Variants in SEC14L5 observed in about 807,000 individuals in gnomAD.
SEC14L5 encodes SEC14-like protein 5.
A neutral mutation model predicts 84.6 loss-of-function variants in SEC14L5; 96 were observed. The observed-to-expected ratio is 1.13, with a 90% CI of 0.96 to 1.34. SEC14L5 has a LOEUF of 1.34. Ranked by LOEUF, SEC14L5 falls within the 40% of genes most tolerant of loss-of-function variation. SEC14L5 has a pLI of 0.00. For synonymous variants in SEC14L5, 546 were observed against 383.4 expected, an observed-to-expected ratio of 1.42 and a Z score of -4.95; for missense variants, 1,224 against 942.5, an observed-to-expected ratio of 1.30 and a Z score of -3.91.
At chr16:4,999,139 C>G (rs112980050) in intron 8 of SEC14L5, among the ~76,000 whole-genome samples, 65 of 152,316 alleles carry the variant, frequency 4.3e-4, no homozygotes, top group African/African-American at 1.5e-3. Context: ...TAAAATGCCT[C>G]TTCGTGTAGT....
rs550577656 is a variant in SEC14L5, at chr16:4,999,330, C to T, written c.971-1325C>T. On this transcript the variant is annotated intron_variant, in intron 8 of 15. Transcript: ENST00000251170. ...TCCTTAAACAGAAACACAAGCCGGGCGCAGTGGCTCACACCTGTAATCAGA... is the reference window on the plus strand; with the variant it reads ...TCCTTAAACAGAAACACAAGCCGGGTGCAGTGGCTCACACCTGTAATCAGA... Among the ~76,000 whole-genome samples the T allele has an allele frequency of 1.3e-4, 20 of 152,272 alleles. No homozygotes were observed. The East Asian group carries it at 2.9e-3, about 22-fold the overall frequency.
intron 15 of SEC14L5, among the ~76,000 whole-genome samples, chr16:5,012,976 A>G (rs1955823429): frequency 6.6e-6 from 1 of 152,146 alleles, no homozygotes; most frequent in South Asian, 2.1e-4. Context: ...ACGGTTCTGC[A>G]TGACTGGGGA....
At position 4,996,967 on chromosome 16, in the gene SEC14L5, A is replaced by G; in HGVS notation, c.893A>G (p.Asp298Gly). 6.2e-7 allele frequency: 1 copy of G among 1,613,460 alleles called. No individual in the cohort carries two copies. ...SLSWRKQHQV[D>G]LLLQTWQPPA... ...AGCTGGCGCAAGCAGCACCAGGTGGATCTCCTCCTTCAGACCTGGCAACCC... is the reference window on the plus strand; with the variant it reads ...AGCTGGCGCAAGCAGCACCAGGTGGGTCTCCTCCTTCAGACCTGGCAACCC... Residue 298 changes from aspartate (D) to glycine (G), a missense_variant, in exon 8 of 16, where the codon GAT (aspartate) becomes GGT (glycine). Coordinates refer to ENST00000251170, the MANE Select transcript of SEC14L5 (RefSeq NM_014692.2).
chr16:4,996,160 C>G lies in SEC14L5; in HGVS notation c.668-188C>G, dbSNP rs76180956. 2.5e-4 allele frequency among the ~76,000 whole-genome samples: 38 copies of G among 152,244 alleles called. No individual in the cohort carries two copies. In the East Asian group the frequency reaches 7.1e-3, roughly 29 times the overall value. On this transcript the variant is annotated intron_variant, in intron 6 of 15. Coordinates refer to ENST00000251170, the MANE Select transcript of SEC14L5 (RefSeq NM_014692.2). Reference sequence around the variant, plus strand: ...CCTGATGATGCGTTTTCAGAACCCCCTTGGACATGGGCTGGAGAAATGAAT... The same window carrying G: ...CCTGATGATGCGTTTTCAGAACCCCGTTGGACATGGGCTGGAGAAATGAAT...
intron 2 of SEC14L5, among the ~76,000 whole-genome samples, chr16:4,974,055 G>A (rs968487771): frequency 6.6e-6 from 1 of 152,100 alleles, no homozygotes; most frequent in East Asian, 1.9e-4. Flanking sequence ...TGAGTCGGAT[G>A]AGTGGTTGTC....
chr16:4,978,506 CCTT>C (rs1484073485), intron 2 of SEC14L5, among the ~76,000 whole-genome samples: 1 of 147,408 alleles, frequency 6.8e-6, no homozygotes, highest in East Asian at 2.0e-4. Context: ...GCAGCCTTGA[CCTT>C]CTATGCTCAA....
chr16:5,004,925 C>G (rs527315618), intron 11 of SEC14L5, among the ~76,000 whole-genome samples: 2 of 152,330 alleles, frequency 1.3e-5, no homozygotes, highest in East Asian at 3.9e-4. Flanking sequence ...AAGCACTGAT[C>G]CTCCAACACG....
At chr16:4,998,781 T>A (rs541783909) in intron 8 of SEC14L5, among the ~76,000 whole-genome samples, 25 of 149,896 alleles carry the variant, frequency 1.7e-4, no homozygotes, top group Non-Finnish European at 3.3e-4. Flanking sequence ...CGTTCATCTA[T>A]ATCAAGTAGG....
chr16:4,962,576 T>C (rs1955137291), intron 2 of SEC14L5, among the ~76,000 whole-genome samples: 1 of 151,218 alleles, frequency 6.6e-6, no homozygotes, highest in Non-Finnish European at 1.5e-5. Flanking sequence ...TAATCCCAGC[T>C]ATTCGGGAGG....
At chr16:4,987,772 G>A in intron 3 of SEC14L5, 66 bp downstream of exon 3, 1 of 1,259,442 alleles carries the variant, frequency 7.9e-7, no homozygotes, top group Non-Finnish European at 1.1e-6. Context: ...AGGGCTGGGC[G>A]CGGGAGCTGG....
intron 4 of SEC14L5, among the ~76,000 whole-genome samples, chr16:4,989,498 C>A (rs755750016): frequency 6.6e-6 from 1 of 152,236 alleles, no homozygotes; most frequent in South Asian, 2.1e-4. Flanking sequence ...AGGCATGTGC[C>A]ACCACATCCG....
intron 14 of SEC14L5, 87 bp from the exon 15 acceptor site, chr16:5,011,008 T>G (rs1955793323): frequency 1.5e-6 from 2 of 1,314,912 alleles, no homozygotes; most frequent in South Asian, 2.8e-5. Context: ...TTTCCAGGCC[T>G]GGTGATGAGA....
Position 5,016,046 on chromosome 16 carries a change from A to G in SEC14L5, c.*1076A>G, listed in dbSNP as rs1248434591. 2.0e-5 allele frequency: 3 copies of G among 152,176 alleles called. No homozygotes were observed. The highest frequency in any genetic ancestry group is 4.4e-5 in the Non-Finnish European group (3 of 68,056). The allele number at this position is 152,176 out of a possible 1,614,324, so 9.4% of individuals were successfully genotyped here. A position where few individuals can be genotyped will look rare whatever the true frequency, so the allele number is the denominator to read the frequency against. On this transcript the variant is annotated 3_prime_UTR_variant, in exon 16 of 16. Coordinates refer to ENST00000251170, the MANE Select transcript of SEC14L5 (RefSeq NM_014692.2). Reference sequence around the variant, plus strand: ...CCATGCCCAGGTGCTTCAACACAAAAGCATGATCATTCATGGGTGCATAGA... The same window carrying G: ...CCATGCCCAGGTGCTTCAACACAAAGGCATGATCATTCATGGGTGCATAGA...
At position 5,015,102 on chromosome 16, in the gene SEC14L5, G is replaced by A; in HGVS notation, c.*132G>A. ...AGGCCTAGATGCTGCCCAAGTTGGG[G>A]TGTCTGGAGCGGATGGCAAGGATCC... On this transcript the variant is annotated 3_prime_UTR_variant, in exon 16 of 16. Transcript: ENST00000251170. 1 of 687,718 alleles carries A rather than the reference G, an allele frequency of 1.5e-6. No individual in the cohort carries two copies. Among genetic ancestry groups the A allele is most frequent in the Non-Finnish European group, 2.4e-6 (1 of 409,998 alleles). 42.6% of individuals were successfully genotyped at this position (687,718 alleles called of 1,614,324 possible). A position where few individuals can be genotyped will look rare whatever the true frequency, so the allele number is the denominator to read the frequency against.
In SEC14L5 at chr16:5,003,405, C is replaced by G; in HGVS notation, c.1134C>G (p.Ser378=). ...STRQLGRPIS[S]WTCLLDLEGL... is the part of the protein sequence containing the mutation. Reference sequence around the variant, plus strand: ...GCTGGGGCTATTTCTGCCACAGCTCCTGGACCTGCCTGCTAGACCTGGAGG... The same window carrying G: ...GCTGGGGCTATTTCTGCCACAGCTCGTGGACCTGCCTGCTAGACCTGGAGG... The change falls in exon 11 of 16, where the codon TCC becomes TCG. Residue 378 remains serine, a synonymous_variant. Coordinates refer to ENST00000251170, the MANE Select transcript of SEC14L5 (RefSeq NM_014692.2). 6.2e-7 allele frequency: 1 copy of G among 1,612,572 alleles called. No homozygotes were observed. The highest frequency in any genetic ancestry group is 8.5e-7 in the Non-Finnish European group (1 of 1,179,644).
chr16:4,990,854 G>T lies in SEC14L5; in HGVS notation c.433G>T (p.Glu145Ter). ...RSFFGFENAL[E>*]KIAMKQYTAN... ...TTTCTTTGGCTTTGAAAATGCCTTG[G>T]AGAAGATCGCCATGAAGCAGTACAC... Residue 145 changes from glutamate to a stop codon, truncating the protein, a stop_gained, in exon 5 of 16, where the codon GAG (glutamate) becomes TAG (stop). Transcript: ENST00000251170. LOFTEE classifies it high-confidence loss of function. 6.2e-7 allele frequency: 1 copy of T among 1,610,760 alleles called. No individual in the cohort carries two copies. Among genetic ancestry groups the T allele is most frequent in the Non-Finnish European group, 8.5e-7 (1 of 1,178,468 alleles).
intron 14 of SEC14L5, among the ~76,000 whole-genome samples, chr16:5,010,556 A>G (rs1955788169): frequency 6.6e-6 from 1 of 152,032 alleles, no homozygotes; most frequent in South Asian, 2.1e-4. Context: ...TGTCGATCTC[A>G]CCGAAGTTCC....
chr16:4,988,409 A>T (rs2972261), intron 4 of SEC14L5, 129 bp downstream of exon 4: 615,046 of 1,171,504 alleles, frequency 0.53, 163,751 homozygotes, highest in East Asian at 0.73. Context: ...CATTGTCAAG[A>T]AAGATGCAGG....
chr16:4,982,405 C>T (rs1037254241), intron 2 of SEC14L5, among the ~76,000 whole-genome samples: 2 of 152,224 alleles, frequency 1.3e-5, no homozygotes, highest in Non-Finnish European at 2.9e-5. Context: ...ACGCCCCCAC[C>T]ACCCTGACCC....
Sources: allele counts gnomAD v4.1 joint callset (sites outside exome capture counted in the v4.1 genomes callset), GRCh38; gene constraint gnomAD v4.1.1; transcripts MANE v1.5; gene names NCBI Gene and HGNC (gene_info 2026-07-23, HGNC 2026-07-21).